The following ITIH5 variants were observed in gnomAD, a reference collection of about 807,000 sequenced individuals.
ITIH5 encodes inter-alpha-trypsin inhibitor heavy chain 5.
Under a neutral mutation model 77.5 loss-of-function variants are expected in ITIH5, and 65 were observed. The ratio of observed to expected loss-of-function variants is 0.84; its 90% CI spans 0.69 to 1.03. The LOEUF (loss-of-function observed/expected upper bound fraction) is 1.03. Among genes scored for constraint, ITIH5 ranks in the 50% least tolerant of loss-of-function variants. The pLI is 0.00. For synonymous variants in ITIH5, 525 were observed against 494.3 expected (o/e 1.06, Z -0.82); for missense variants, 1,208 against 1,213.1 (o/e 1.00, Z 0.06).
chr10:7,581,270 A>G (rs1198997577), intron 8 of ITIH5, among the ~76,000 whole-genome samples: 1 of 152,180 alleles, frequency 6.6e-6, no homozygotes, highest in East Asian at 1.9e-4. Context: ...AACAGAAAAA[A>G]TAAAAATAAA....
intron 8 of ITIH5, 46 bp from the exon 9 acceptor site, chr10:7,580,110 C>T: frequency 1.3e-6 from 2 of 1,487,672 alleles, no homozygotes; most frequent in South Asian, 1.2e-5. Context: ...GCACTCACCT[C>T]CGCACTCTGA....
chr10:7,562,739 G>T lies in ITIH5; in HGVS notation c.*344C>A, dbSNP rs558660640. The stretch of plus-strand genomic sequence containing the variant: ...ATAGCAACCTTCCTTCACCAGAAAG[G>T]CTTACTTTATGATATGCTAACAGAA... On this transcript the variant is annotated 3_prime_UTR_variant, in exon 14 of 14. Coordinates refer to ENST00000397146, the MANE Select transcript of ITIH5 (RefSeq NM_030569.7). 1.7e-5 allele frequency: 4 copies of T among 232,236 alleles called. No homozygotes were observed. In the East Asian group the frequency reaches 3.7e-4, roughly 22 times the overall value. The allele number at this position is 232,236 out of a possible 1,614,324, so 14.4% of individuals were successfully genotyped here. A position where few individuals can be genotyped will look rare whatever the true frequency, so the allele number is the denominator to read the frequency against.
intron 2 of ITIH5, among the ~76,000 whole-genome samples, chr10:7,652,313 T>A (rs1034687797): frequency 6.6e-6 from 1 of 152,034 alleles, no homozygotes; most frequent in Admixed American, 6.6e-5. Context: ...GGATGACAAC[T>A]GGAGGGAGAT....
intron 1 of ITIH5, 84 bp downstream of exon 1, chr10:7,666,719 G>T: frequency 2.7e-6 from 3 of 1,111,394 alleles, no homozygotes; most frequent in Non-Finnish European, 3.9e-6. Context: ...GTCGAAGGGG[G>T]CCCGGGCAGA....
At chr10:7,609,854 T>C (rs765951952) in intron 7 of ITIH5, among the ~76,000 whole-genome samples, 3 of 151,954 alleles carry the variant, frequency 2.0e-5, no homozygotes, top group African/African-American at 7.3e-5. Flanking sequence ...TTCTTTAATA[T>C]GAATGTGAAA....
At chr10:7,636,992 A>C (rs934750677) in intron 5 of ITIH5, among the ~76,000 whole-genome samples, 17 of 152,184 alleles carry the variant, frequency 1.1e-4, no homozygotes, top group Admixed American at 2.0e-4. Context: ...CGGAGGTTGC[A>C]GTGAGCGGAG....
At chr10:7,642,219 T>C in intron 2 of ITIH5, 129 bp from the exon 3 acceptor site, 1 of 681,776 alleles carries the variant, frequency 1.5e-6, no homozygotes, top group East Asian at 2.8e-5. Context: ...GTGATTCCAA[T>C]TTCCTTTCTT....
intron 5 of ITIH5, among the ~76,000 whole-genome samples, chr10:7,624,585 AG>A (rs903569953): frequency 9.2e-5 from 14 of 151,454 alleles, no homozygotes; most frequent in African/African-American, 3.2e-4. Context: ...TGGGAGGCCA[AG>A]GGGGGCAGAT....
chr10:7,666,841 G>A lies in ITIH5; in HGVS notation c.52C>T (p.Gln18Ter), dbSNP rs1292298228. The change falls in exon 1 of 14, where the codon CAG (glutamine) becomes TAG (stop). Residue 18 changes from glutamine to a stop codon, truncating the protein, a stop_gained. Coordinates refer to ENST00000397146, the MANE Select transcript of ITIH5 (RefSeq NM_030569.7). LOFTEE classifies it high-confidence loss of function. ...CLGLSLCVGS[Q>*]EEAQSWGHSS... ...TGGCCCCAGCTCTGCGCCTCTTCCT[G>A]CGACCCCACACACAGGGACAGCCCC... is the stretch of plus-strand genomic sequence containing the variant. The A allele has an allele frequency of 6.2e-7, 1 of 1,609,290 alleles. No homozygotes were observed. The highest frequency in any genetic ancestry group is 8.5e-7 in the Non-Finnish European group (1 of 1,178,424).
At chr10:7,657,294 G>A (rs1451986477) in intron 1 of ITIH5, among the ~76,000 whole-genome samples, 2 of 151,814 alleles carry the variant, frequency 1.3e-5, no homozygotes, top group Non-Finnish European at 1.5e-5. Context: ...TGATCCGCCC[G>A]CCTCTGCCTC....
At chr10:7,611,285 T>C (rs1209476551) in intron 7 of ITIH5, among the ~76,000 whole-genome samples, 1 of 152,284 alleles carries the variant, frequency 6.6e-6, no homozygotes, top group Non-Finnish European at 1.5e-5. Flanking sequence ...TTGCATTAAA[T>C]CATTCACATA....
chr10:7,611,087 C>T (rs1466509933), intron 7 of ITIH5, among the ~76,000 whole-genome samples: 1 of 152,242 alleles, frequency 6.6e-6, no homozygotes, highest in African/African-American at 2.4e-5. Flanking sequence ...CAGCTGCATA[C>T]ATGTGTGCCT....
intron 8 of ITIH5, among the ~76,000 whole-genome samples, chr10:7,582,086 A>G (rs556469938): frequency 3.9e-4 from 59 of 151,926 alleles, no homozygotes; most frequent in Admixed American, 1.5e-3. Context: ...CATGTTGGCC[A>G]GGCTGGTCTT....
At position 7,579,800 on chromosome 10, in the gene ITIH5, G is replaced by C. The variant is rs1832504334; in HGVS notation, c.1373C>G (p.Thr458Arg). The C allele has an allele frequency of 6.2e-7, 1 of 1,614,144 alleles. No individual in the cohort carries two copies. The highest frequency in any genetic ancestry group is 1.1e-5 in the South Asian group (1 of 91,082). Residue 458 changes from threonine (T) to arginine (R), a missense_variant, in exon 9 of 14, where the codon ACA (threonine) becomes AGA (arginine). Transcript: ENST00000397146. Reference sequence around the variant, plus strand: ...GTCCTCCTCCTCGTGCACGCGCCGTGTGAGGCCACAGTTCTCCAGCGACAG... The same window carrying C: ...GTCCTCCTCCTCGTGCACGCGCCGTCTGAGGCCACAGTTCTCCAGCGACAG... ...EKLSLENCGL[T>R]RRVHEEEDAG...
chr10:7,629,859 A>G (rs1382182828), intron 5 of ITIH5, among the ~76,000 whole-genome samples: 3 of 152,196 alleles, frequency 2.0e-5, no homozygotes, highest in Middle Eastern at 3.2e-3. Context: ...TCTTTACATC[A>G]ATGACTCTCA....
intron 2 of ITIH5, among the ~76,000 whole-genome samples, chr10:7,645,002 C>A (rs1833989414): frequency 6.8e-6 from 1 of 146,076 alleles, no homozygotes; most frequent in African/African-American, 2.5e-5. Context: ...ACTTGAACAC[C>A]AAGACAGGGA....
chr10:7,648,432 G>C (rs1834040951), intron 2 of ITIH5, among the ~76,000 whole-genome samples: 1 of 152,134 alleles, frequency 6.6e-6, no homozygotes, highest in Admixed American at 6.5e-5. Context: ...TGAAGATAGA[G>C]GACATTAAAC....
intron 2 of ITIH5, among the ~76,000 whole-genome samples, chr10:7,648,536 CT>C (rs1834042410): frequency 1.3e-5 from 2 of 152,138 alleles, no homozygotes; most frequent in African/African-American, 4.8e-5. Flanking sequence ...AAGTAGAATA[CT>C]AGTGAGGGGA....
chr10:7,648,279 A>G (rs1834038480), intron 2 of ITIH5, among the ~76,000 whole-genome samples: 3 of 151,986 alleles, frequency 2.0e-5, no homozygotes, highest in Admixed American at 2.0e-4. Flanking sequence ...CACCCTGGCT[A>G]ATTCAAGCCT....
Sources: allele counts gnomAD v4.1 joint callset (sites outside exome capture counted in the v4.1 genomes callset), GRCh38; gene constraint gnomAD v4.1.1; transcripts MANE v1.5; gene names NCBI Gene and HGNC (gene_info 2026-07-23, HGNC 2026-07-21).